The following CCDC15 variants were observed in gnomAD, a reference collection of about 807,000 sequenced individuals.
CCDC15 encodes coiled-coil domain-containing protein 15.
In CCDC15, 105 loss-of-function variants were observed where a neutral mutation model predicts 114.5. The ratio of observed to expected loss-of-function variants is 0.92; its 90% CI spans 0.78 to 1.08. CCDC15 has a LOEUF of 1.08. Among genes scored for constraint, CCDC15 ranks in the 50% least tolerant of loss-of-function variants. The probability of loss-of-function intolerance (pLI) is 0.00; values close to 1 mark genes in which losing one functional copy is unlikely to be tolerated. For synonymous variants in CCDC15, 334 were observed against 377.8 expected, an observed-to-expected ratio of 0.88 and a Z score of 1.34; for missense variants, 1,105 against 1,093.6, an observed-to-expected ratio of 1.01 and a Z score of -0.15.
chr11:124,987,879 G>A lies in CCDC15; in HGVS notation c.1653G>A (p.Trp551Ter), dbSNP rs762722016. The A allele has an allele frequency of 3.1e-6, 5 of 1,613,888 alleles. No homozygotes were observed. In the East Asian group the frequency reaches 6.7e-5, roughly 22 times the overall value. ...ACCAGCATGTTCTCCCCAAAGACTGGAATATTCTACCCAAATGTCAGGACC... is the reference window on the plus strand; with the variant it reads ...ACCAGCATGTTCTCCCCAAAGACTGAAATATTCTACCCAAATGTCAGGACC... ...SRDQHVLPKDWNILPKCQDQD... is the reference protein window; with the variant it reads ...SRDQHVLPKD Residue 551 changes from tryptophan (W) to a stop codon, truncating the protein, a stop_gained, in exon 8 of 16, where the codon TGG becomes TGA. Coordinates refer to ENST00000344762, the MANE Select transcript of CCDC15 (RefSeq NM_025004.3). LOFTEE classifies it high-confidence loss of function.
rs766134802 is a variant in CCDC15 at position 125,038,513 on chromosome 11, G to A, written c.2494G>A (p.Gly832Arg). Residue 832 changes from glycine to arginine, a missense_variant, in exon 14 of 16, where the codon GGA (glycine) becomes AGA (arginine). Physicochemically the swap from Gly to Arg is moderately radical, Grantham distance 125 (BLOSUM62 -2). Transcript: ENST00000344762. ...GAACTTTCATGAAGATCCATATTCA[G>A]GAGAGAAGTTGAGTGAGATATTAGC... Reference protein sequence around the residue: ...RMNFHEDPYSGEKLSEILAQL... With the variant: ...RMNFHEDPYSREKLSEILAQL... The A allele has an allele frequency of 2.5e-6, 4 of 1,587,118 alleles. No individual in the cohort carries two copies. Among genetic ancestry groups the A allele is most frequent in the Non-Finnish European group, 3.4e-6 (4 of 1,165,352 alleles).
chr11:124,997,387 T>C (rs956868582), intron 11 of CCDC15, among the ~76,000 whole-genome samples: 1 of 152,168 alleles, frequency 6.6e-6, no homozygotes, highest in African/African-American at 2.4e-5. Context: ...AATGAGTGGC[T>C]CAAGTGATCC....
intron 6 of CCDC15, among the ~76,000 whole-genome samples, chr11:124,984,555 A>G (rs1294882194): frequency 6.6e-6 from 1 of 152,108 alleles, no homozygotes; most frequent in Non-Finnish European, 1.5e-5. Context: ...ATGCCCCACT[A>G]CAGATACTCC....
intron 6 of CCDC15, among the ~76,000 whole-genome samples, chr11:124,983,791 C>T (rs145029788): frequency 4.6e-5 from 7 of 152,046 alleles, no homozygotes; most frequent in African/African-American, 1.2e-4. Context: ...GCAGGGTACA[C>T]GCCGTGGTGG....
chr11:124,986,580 T>G (rs547127038), intron 6 of CCDC15, among the ~76,000 whole-genome samples, 162 bp from the exon 7 acceptor site: 1 of 152,348 alleles, frequency 6.6e-6, no homozygotes, highest in South Asian at 2.1e-4. Flanking sequence ...TTGACTATGC[T>G]GACCTACTAA....
chr11:125,001,726 A>T (rs1198512813), intron 11 of CCDC15, among the ~76,000 whole-genome samples: 1 of 152,236 alleles, frequency 6.6e-6, no homozygotes, highest in Non-Finnish European at 1.5e-5. Flanking sequence ...AGCATATAGC[A>T]GTACTTTGTT....
intron 6 of CCDC15, among the ~76,000 whole-genome samples, chr11:124,983,244 C>T (rs1053378854): frequency 1.3e-5 from 2 of 152,046 alleles, no homozygotes; most frequent in Non-Finnish European, 2.9e-5. Flanking sequence ...TCCTGAATGT[C>T]GATATTTTTG....
chr11:125,040,166 A>G (rs1413601796), intron 15 of CCDC15, among the ~76,000 whole-genome samples: 2 of 151,664 alleles, frequency 1.3e-5, no homozygotes, highest in South Asian at 2.1e-4. Context: ...CCTACCGAAT[A>G]TCTGGGATTA....
chr11:125,013,110 C>T (rs1948606125), intron 13 of CCDC15, among the ~76,000 whole-genome samples: 1 of 151,714 alleles, frequency 6.6e-6, no homozygotes, highest in Admixed American at 6.6e-5. Context: ...AGGATGAGCA[C>T]CAAGAGAGGA....
chr11:124,999,681 G>T (rs1948439380), intron 11 of CCDC15, among the ~76,000 whole-genome samples: 2 of 151,250 alleles, frequency 1.3e-5, no homozygotes, highest in African/African-American at 2.4e-5. Flanking sequence ...ACTTCAATTG[G>T]GTTTGCCTTT....
intron 6 of CCDC15, among the ~76,000 whole-genome samples, chr11:124,984,641 C>T (rs1948127861): frequency 6.6e-6 from 1 of 152,152 alleles, no homozygotes. Context: ...CCTGCCAGCG[C>T]AAGTGTCAGT....
intron 4 of CCDC15, among the ~76,000 whole-genome samples, chr11:124,964,394 T>G (rs1477904271): frequency 6.6e-6 from 1 of 152,190 alleles, no homozygotes; most frequent in Admixed American, 6.5e-5. Context: ...GGTATTTTAT[T>G]CTCTTTGAAG....
At chr11:124,954,590 G>T in intron 1 of CCDC15, 134 bp from the exon 2 acceptor site, 2 of 634,996 alleles carry the variant, frequency 3.1e-6, no homozygotes, top group South Asian at 2.3e-5. Flanking sequence ...TAGAATCCGT[G>T]TGTTTCCACT....
chr11:124,969,515 C>T (rs534840433), intron 4 of CCDC15, among the ~76,000 whole-genome samples: 120 of 152,266 alleles, frequency 7.9e-4, no homozygotes, highest in African/African-American at 2.8e-3. Flanking sequence ...CTACTGTTTT[C>T]TAGCATGGTT....
Position 124,959,923 on chromosome 11 carries a change from T to G in CCDC15, c.436T>G (p.Leu146Val). 6.3e-7 allele frequency: 1 copy of G among 1,587,504 alleles called. No individual in the cohort carries two copies. The highest frequency in any genetic ancestry group is 8.6e-7 in the Non-Finnish European group (1 of 1,165,094). ...GAATGTTGCTATTGGAAGTTCTAGGTTACCTCCTTCCCTGATGCCTGGGGA... is the reference window on the plus strand; with the variant it reads ...GAATGTTGCTATTGGAAGTTCTAGGGTACCTCCTTCCCTGATGCCTGGGGA... ...NLNVAIGSSR[L>V]PPSLMPGDGI... Residue 146 changes from leucine (L) to valine (V), a missense_variant, in exon 4 of 16, where the codon TTA (leucine) becomes GTA (valine). Leu to Val is a conservative substitution (Grantham distance 32). Transcript: ENST00000344762.
At position 125,038,982 on chromosome 11, in the gene CCDC15, C is replaced by T. The variant is rs752955489; in HGVS notation, c.2647C>T (p.Pro883Ser). The T allele has an allele frequency of 2.3e-5, 37 of 1,613,222 alleles. No homozygotes were observed. Among genetic ancestry groups the T allele is most frequent in the Non-Finnish European group, 3.1e-5 (37 of 1,179,468 alleles). ...EKMQLYNITL[P>S]PLCCCGPDFW... ...AATGCAGCTGTATAATATTACTTTA[C>T]CTCCACTATGCTGTTGTGGTCCTGA... Residue 883 changes from proline to serine, a missense_variant, in exon 15 of 16, where the codon CCT (proline) becomes TCT (serine). Coordinates refer to ENST00000344762, the MANE Select transcript of CCDC15 (RefSeq NM_025004.3).
At chr11:124,974,645 A>G (rs1464997250) in intron 4 of CCDC15, among the ~76,000 whole-genome samples, 1 of 152,108 alleles carries the variant, frequency 6.6e-6, no homozygotes, top group Non-Finnish European at 1.5e-5. Context: ...ATTGGGGATA[A>G]AAGGGCTTTA....
chr11:124,961,327 A>G (rs1432106746), intron 4 of CCDC15, among the ~76,000 whole-genome samples: 1 of 152,176 alleles, frequency 6.6e-6, no homozygotes, highest in East Asian at 1.9e-4. Flanking sequence ...AGGACCTTCC[A>G]TGGGTTTATA....
intron 13 of CCDC15, among the ~76,000 whole-genome samples, chr11:125,026,385 G>A (rs1364186318): frequency 6.6e-6 from 1 of 152,164 alleles, no homozygotes; most frequent in Non-Finnish European, 1.5e-5. Flanking sequence ...TCCCCTAAGT[G>A]CCTTGATTCT....
Sources: allele counts gnomAD v4.1 joint callset (sites outside exome capture counted in the v4.1 genomes callset), GRCh38; gene constraint gnomAD v4.1.1; transcripts MANE v1.5; gene names NCBI Gene and HGNC (gene_info 2026-07-23, HGNC 2026-07-21).